The following LRP1B variants were observed in gnomAD, a reference collection of about 807,000 sequenced individuals.
LRP1B encodes LDL receptor related protein 1B.
LRP1B carries 217 observed loss-of-function variants against 556.6 expected under a neutral mutation model. That is an observed-to-expected ratio of 0.39 (90% CI 0.35 to 0.44). The LOEUF (loss-of-function observed/expected upper bound fraction) is 0.44. Ranked by LOEUF, LRP1B falls within the 20% of genes least tolerant of loss-of-function variation. The pLI, the probability that LRP1B is intolerant of heterozygous loss-of-function variation, is 1.00. For missense variants in LRP1B, 5,053 were observed against 5,620.8 expected (o/e 0.90, Z 3.23); for synonymous variants, 2,047 against 1,865.8 (o/e 1.10, Z -2.50).
chr2:141,329,942 CCT>C lies in LRP1B; in HGVS notation c.344-75303_344-75302del, dbSNP rs566920064. On this transcript the variant is annotated intron_variant, in intron 3 of 90. Coordinates refer to ENST00000389484, the MANE Select transcript of LRP1B (RefSeq NM_018557.3). Reference sequence around the variant, plus strand: ...TACTCTACGCTCAACGCATTTGATTCCTCTCATGGTATTGCACCTGGATTCTA... The same window carrying C: ...TACTCTACGCTCAACGCATTTGATTCCTCATGGTATTGCACCTGGATTCTA... Among the ~76,000 whole-genome samples, 969 of 152,052 alleles carry C rather than the reference CCT, an allele frequency of 6.4e-3. 7 individuals are homozygous for C. Among genetic ancestry groups the C allele is most frequent in the Non-Finnish European group, 9.1e-3 (622 of 67,994 alleles).
intron 1 of LRP1B, among the ~76,000 whole-genome samples, chr2:141,832,875 G>A (rs1485629095): frequency 6.6e-6 from 1 of 151,624 alleles, no homozygotes; most frequent in Non-Finnish European, 1.5e-5. Flanking sequence ...TATTCTAAAA[G>A]TTGTATCTTT....
intron 56 of LRP1B, among the ~76,000 whole-genome samples, chr2:140,493,906 C>G (rs1457078362): frequency 2.0e-5 from 3 of 152,060 alleles, no homozygotes; most frequent in Non-Finnish European, 4.4e-5. Context: ...CTTTTTGAGG[C>G]CAGACTGAGA....
intron 52 of LRP1B, among the ~76,000 whole-genome samples, chr2:140,509,085 C>A (rs777743607): frequency 2.0e-4 from 13 of 66,260 alleles, no homozygotes; most frequent in East Asian, 6.1e-4. Context: ...CACACACAAA[C>A]ACACACACAC....
At chr2:141,365,655 C>CTTT (rs781538829) in intron 3 of LRP1B, among the ~76,000 whole-genome samples, 2 of 121,150 alleles carry the variant, frequency 1.7e-5, no homozygotes, top group Non-Finnish European at 3.3e-5. Context: ...GTTTTTGTTG[C>CTTT]TTTTTTTTTT....
chr2:141,484,514 C>A (rs1368654642), intron 2 of LRP1B, among the ~76,000 whole-genome samples: 1 of 152,084 alleles, frequency 6.6e-6, no homozygotes, highest in African/African-American at 2.4e-5. Context: ...TCATTGGTAA[C>A]TTGATGGGGA....
At chr2:141,147,019 A>T (rs767764692) in intron 7 of LRP1B, among the ~76,000 whole-genome samples, 2 of 152,206 alleles carry the variant, frequency 1.3e-5, no homozygotes, top group Non-Finnish European at 2.9e-5. Flanking sequence ...GGTTAAATTC[A>T]GCCAGTGAAG....
intron 2 of LRP1B, among the ~76,000 whole-genome samples, chr2:141,590,838 C>A (rs931846701): frequency 6.6e-6 from 1 of 152,160 alleles, no homozygotes; most frequent in African/African-American, 2.4e-5. Context: ...ACTCATCAGT[C>A]CCAATTCACC....
intron 3 of LRP1B, among the ~76,000 whole-genome samples, chr2:141,420,761 A>C (rs768576969): frequency 8.5e-5 from 13 of 152,220 alleles, no homozygotes; most frequent in Non-Finnish European, 1.6e-4. Flanking sequence ...CATGTTGGCC[A>C]TACCAAGCTT....
intron 41 of LRP1B, among the ~76,000 whole-genome samples, chr2:140,654,178 G>A (rs1684791276): frequency 6.6e-6 from 1 of 151,830 alleles, no homozygotes; most frequent in African/African-American, 2.4e-5. Context: ...ACAATTTTGA[G>A]AAAAATGAAA....
At chr2:141,492,579 G>T (rs1316748685) in intron 2 of LRP1B, among the ~76,000 whole-genome samples, 2 of 152,136 alleles carry the variant, frequency 1.3e-5, no homozygotes, top group African/African-American at 4.8e-5. Context: ...ACAAAATAGA[G>T]ATGAGAGAAG....
chr2:141,749,767 G>A (rs1341081223), intron 2 of LRP1B, among the ~76,000 whole-genome samples: 2 of 152,064 alleles, frequency 1.3e-5, no homozygotes, highest in African/African-American at 4.8e-5. Context: ...TATGTAACAG[G>A]GAAATGGTTA....
In LRP1B at chr2:140,239,489, C is replaced by G. The variant is rs1680857046; in HGVS notation, c.13368G>C (p.Leu4456Phe). The change falls in exon 88 of 91, where the codon TTG becomes TTC. Residue 4456 changes from leucine to phenylalanine, a missense_variant. Transcript: ENST00000389484. ...CTAAACCAATTACTAAGGTGGTTAT[C>G]AAAGTCACCAAGAGGACGAGAGGCA... ...IIVPLVLLVT[L>F]ITTLVIGLVL... The G allele has an allele frequency of 6.2e-7, 1 of 1,604,542 alleles. No homozygotes were observed. Among genetic ancestry groups the G allele is most frequent in the Non-Finnish European group, 8.5e-7 (1 of 1,174,114 alleles).
intron 1 of LRP1B, among the ~76,000 whole-genome samples, chr2:141,814,800 T>C (rs1046098289): frequency 2.0e-5 from 3 of 152,068 alleles, no homozygotes; most frequent in East Asian, 1.9e-4. Flanking sequence ...TAAAAGAAGT[T>C]AGTGAAAAAC....
At chr2:140,328,088 T>C (rs184628261) in intron 79 of LRP1B, among the ~76,000 whole-genome samples, 3 of 152,020 alleles carry the variant, frequency 2.0e-5, no homozygotes, top group Admixed American at 6.6e-5. Context: ...TAAAATATCA[T>C]GTCTTCTTTT....
chr2:140,361,366 AT>A (rs1339327981), intron 72 of LRP1B, among the ~76,000 whole-genome samples: 2 of 131,664 alleles, frequency 1.5e-5, no homozygotes, highest in African/African-American at 5.6e-5. Context: ...ATATATATAT[AT>A]ATATATATAT....
intron 11 of LRP1B, among the ~76,000 whole-genome samples, chr2:141,032,813 A>G (rs547106655): frequency 6.9e-6 from 1 of 145,202 alleles, no homozygotes; most frequent in Admixed American, 6.9e-5. Context: ...GTGTGTGTGT[A>G]TATATATACA....
intron 1 of LRP1B, among the ~76,000 whole-genome samples, chr2:141,890,282 G>A (rs1464146100): frequency 7.2e-6 from 1 of 138,136 alleles, no homozygotes; most frequent in Non-Finnish European, 1.6e-5. Context: ...GCTGTACCCT[G>A]AGCACTTAGC....
At chr2:141,086,324 G>C (rs183870760) in intron 7 of LRP1B, among the ~76,000 whole-genome samples, 1 of 152,078 alleles carries the variant, frequency 6.6e-6, no homozygotes, top group Non-Finnish European at 1.5e-5. Flanking sequence ...TTTATTGAAA[G>C]CATTATTTCC....
chr2:140,528,042 A>T (rs1266148521), intron 47 of LRP1B, among the ~76,000 whole-genome samples: 1 of 151,888 alleles, frequency 6.6e-6, no homozygotes, highest in African/African-American at 2.4e-5. Context: ...TAATAGGGAC[A>T]CTTGCAACTC....
Sources: gnomAD v4.1 joint callset for allele counts (sites outside exome capture counted in the v4.1 genomes callset) on GRCh38, gnomAD v4.1.1 for gene constraint, MANE v1.5 for transcripts, NCBI Gene and HGNC (gene_info 2026-07-23, HGNC 2026-07-21) for gene names.